ATP13A4: variants seen among roughly 807,000 people sequenced by gnomAD.
ATP13A4 encodes ATPase 13A4.
A neutral mutation model predicts 142.5 loss-of-function variants in ATP13A4; 114 were observed. That is an observed-to-expected ratio of 0.80 (90% CI 0.69 to 0.93). The LOEUF (loss-of-function observed/expected upper bound fraction) is 0.93. Among genes scored for constraint, ATP13A4 ranks in the 40% least tolerant of loss-of-function variants. The pLI, the probability that ATP13A4 is intolerant of heterozygous loss-of-function variation, is 0.00. For missense variants in ATP13A4, 1,392 were observed against 1,454.0 expected, an observed-to-expected ratio of 0.96 and a Z score of 0.69; for synonymous variants, 488 against 514.8, an observed-to-expected ratio of 0.95 and a Z score of 0.70.
Position 193,464,981 on chromosome 3 carries a change from T to C in ATP13A4, c.1420A>G (p.Ile474Val), listed in dbSNP as rs200713210. Residue 474 changes from isoleucine to valine, a missense_variant, in exon 12 of 30, where the codon ATC becomes GTC. Transcript: ENST00000342695. ...AGGTTTAACTGTCCACATACGTTGA[T>C]CCTCTGGGGGCTAATGCAGAAGATG... ...RGIFCISPQR[I>V]NVCGQLNLVC... is the part of the protein sequence containing the mutation. The C allele has an allele frequency of 2.7e-5, 43 of 1,614,026 alleles. No homozygotes were observed. Among genetic ancestry groups the C allele is most frequent in the Non-Finnish European group, 3.6e-5 (42 of 1,180,018 alleles).
intron 2 of ATP13A4, among the ~76,000 whole-genome samples, chr3:193,506,313 C>A (rs1034331854): frequency 6.6e-6 from 1 of 152,278 alleles, no homozygotes; most frequent in South Asian, 2.1e-4. Context: ...CCTGGCAAAT[C>A]TGGACTTTTT....
Position 193,554,816 on chromosome 3 carries a change from A to G in ATP13A4, c.-17T>C, listed in dbSNP as rs1486458232. 5 of 1,612,894 alleles carry G rather than the reference A, an allele frequency of 3.1e-6. No homozygotes were observed. The East Asian group carries it at 8.9e-5, about 29-fold the overall frequency. On this transcript the variant is annotated 5_prime_UTR_variant, in exon 1 of 30. Coordinates refer to ENST00000342695, the MANE Select transcript of ATP13A4 (RefSeq NM_032279.4). ...GTGTCCCATGAAAAAGTTATTCCAC[A>G]CCTCCTCCCTGACCTTGTCGTGCAG...
At chr3:193,540,024 C>T (rs1055085134) in intron 1 of ATP13A4, among the ~76,000 whole-genome samples, 2 of 152,072 alleles carry the variant, frequency 1.3e-5, no homozygotes, top group African/African-American at 4.8e-5. Flanking sequence ...AAAGCCTCCA[C>T]AATCAAGCTT....
chr3:193,448,729 T>C (rs1241453590), intron 17 of ATP13A4, among the ~76,000 whole-genome samples: 6 of 152,198 alleles, frequency 3.9e-5, no homozygotes, highest in African/African-American at 1.2e-4. Flanking sequence ...TAGGGGCTGA[T>C]TAGGGACTGG....
chr3:193,488,344 T>C (rs1719755262), intron 7 of ATP13A4, among the ~76,000 whole-genome samples: 2 of 152,176 alleles, frequency 1.3e-5, no homozygotes, highest in Admixed American at 1.3e-4. Flanking sequence ...AATTAATGCA[T>C]ATGCATTTAA....
chr3:193,465,984 T>A (rs1362400181), intron 11 of ATP13A4, 41 bp downstream of exon 11: 1 of 1,607,784 alleles, frequency 6.2e-7, no homozygotes, highest in African/African-American at 1.3e-5. Context: ...TATACAGAGA[T>A]GAGTGTGTGT....
At chr3:193,574,648 G>A (rs1724356302) in intron 2 of ATP13A4, among the ~76,000 whole-genome samples, 1 of 152,084 alleles carries the variant, frequency 6.6e-6, no homozygotes, top group African/African-American at 2.4e-5. Flanking sequence ...CCTGGGGCAG[G>A]GAGGTTGCAG....
At chr3:193,533,054 T>G (rs1321326595) in intron 1 of ATP13A4, among the ~76,000 whole-genome samples, 1 of 152,106 alleles carries the variant, frequency 6.6e-6, no homozygotes, top group Non-Finnish European at 1.5e-5. Context: ...TTTTCTGTGT[T>G]TTCAAAACTT....
At chr3:193,562,352 A>G (rs1365780976) in intron 2 of ATP13A4, among the ~76,000 whole-genome samples, 1 of 152,244 alleles carries the variant, frequency 6.6e-6, no homozygotes, top group Non-Finnish European at 1.5e-5. Context: ...ATTAACTGCA[A>G]GTTGTTATAG....
chr3:193,573,590 T>A (rs762346826), intron 2 of ATP13A4, among the ~76,000 whole-genome samples: 40 of 151,872 alleles, frequency 2.6e-4, no homozygotes, highest in Non-Finnish European at 5.3e-4. Flanking sequence ...CACAGTATAG[T>A]TTTTCTCCAC....
Position 193,439,159 on chromosome 3 carries a change from T to A in ATP13A4, c.2520-94A>T, listed in dbSNP as rs139921735. 8 of 1,293,114 alleles carry A rather than the reference T, an allele frequency of 6.2e-6. No homozygotes were observed. The African/African-American group carries it at 7.3e-5, about 12-fold the overall frequency. The allele number at this position is 1,293,114 out of a possible 1,614,324, so 80.1% of individuals were successfully genotyped here. On this transcript the variant is annotated intron_variant, in intron 21 of 29. Transcript: ENST00000342695. ...CAAAGTAACCATCATTACTTAGGGT[T>A]CAAACTCATTATTTAAGGGAATTTT...
intron 29 of ATP13A4, among the ~76,000 whole-genome samples, chr3:193,404,428 G>C (rs1202788521): frequency 6.6e-6 from 1 of 152,166 alleles, no homozygotes; most frequent in Non-Finnish European, 1.5e-5. Flanking sequence ...ATACAAGGCA[G>C]AACTAGTGAC....
At chr3:193,544,563 G>C (rs184128413) in intron 1 of ATP13A4, among the ~76,000 whole-genome samples, 3 of 152,164 alleles carry the variant, frequency 2.0e-5, no homozygotes, top group Admixed American at 6.5e-5. Flanking sequence ...AGCACAAAGA[G>C]AGACCACTTC....
chr3:193,571,083 G>C (rs1007732071), intron 2 of ATP13A4, among the ~76,000 whole-genome samples: 20 of 152,114 alleles, frequency 1.3e-4, no homozygotes, highest in Admixed American at 1.2e-3. Flanking sequence ...TTCGAAACCA[G>C]CCTGGCCAAC....
At chr3:193,554,992 G>A, upstream of ATP13A4, 1 of 1,422,156 alleles carries the variant, frequency 7.0e-7, no homozygotes, top group Non-Finnish European at 9.4e-7. Context: ...CCTCCCACGA[G>A]TCGCCCTCTG....
At chr3:193,488,672 G>A (rs1264069633) in intron 7 of ATP13A4, among the ~76,000 whole-genome samples, 1 of 152,180 alleles carries the variant, frequency 6.6e-6, no homozygotes, top group African/African-American at 2.4e-5. Flanking sequence ...AGAGGAAGAT[G>A]AGTAAGTAAT....
intron 8 of ATP13A4, among the ~76,000 whole-genome samples, chr3:193,478,160 A>C (rs1719076874): frequency 6.6e-6 from 1 of 151,992 alleles, no homozygotes; most frequent in Non-Finnish European, 1.5e-5. Flanking sequence ...TTATGCCTAC[A>C]TCAAAAAGTC....
At chr3:193,500,457 G>A (rs139197503) in intron 3 of ATP13A4, among the ~76,000 whole-genome samples, 9 of 152,200 alleles carry the variant, frequency 5.9e-5, no homozygotes, top group East Asian at 1.9e-4. Context: ...ACCAAGGACC[G>A]GTTTTGTGGA....
At chr3:193,591,050 C>G (rs1332610997) in intron 1 of ATP13A4, among the ~76,000 whole-genome samples, 1 of 152,208 alleles carries the variant, frequency 6.6e-6, no homozygotes, top group Non-Finnish European at 1.5e-5. Flanking sequence ...TATTTGGCAA[C>G]AAATGTAGCA....
Sources: allele counts gnomAD v4.1 joint callset (sites outside exome capture counted in the v4.1 genomes callset), GRCh38; gene constraint gnomAD v4.1.1; transcripts MANE v1.5; gene names NCBI Gene and HGNC (gene_info 2026-07-23, HGNC 2026-07-21).